NFYB: variants seen among roughly 807,000 people sequenced by gnomAD.
NFYB encodes the protein CAAT box DNA-binding protein subunit B.
In NFYB, 13 loss-of-function variants were observed where a neutral mutation model predicts 28.0. The observed-to-expected ratio is 0.46, with a 90% CI of 0.30 to 0.74. The LOEUF (loss-of-function observed/expected upper bound fraction) is 0.74. Among genes scored for constraint, NFYB ranks in the 30% least tolerant of loss-of-function variants. The probability of loss-of-function intolerance (pLI) is 0.07; values close to 1 mark genes in which losing one functional copy is unlikely to be tolerated. For missense variants in NFYB, 142 were observed against 247.6 expected (o/e 0.57, Z 2.86); for synonymous variants, 74 against 75.0 (o/e 0.99, Z 0.07).
At chr12:104,131,635 AG>A (rs1201706966) in intron 2 of NFYB, 4 of 406,858 alleles carry the variant, frequency 9.8e-6, no homozygotes, top group Admixed American at 5.9e-5. Flanking sequence ...AAAACTTGCT[AG>A]ATGCATCCCA....
At chr12:104,135,314 C>A in intron 2 of NFYB, 134 bp downstream of exon 2, 1 of 661,096 alleles carries the variant, frequency 1.5e-6, no homozygotes, top group Non-Finnish European at 2.5e-6. Context: ...CAGGAATGAG[C>A]AGAGGTACTG....
chr12:104,128,224 T>G (rs1383719818), intron 3 of NFYB, among the ~76,000 whole-genome samples, 200 bp downstream of exon 3: 2 of 152,220 alleles, frequency 1.3e-5, no homozygotes, highest in Non-Finnish European at 2.9e-5. Flanking sequence ...GTAAAAGTCT[T>G]TTCAAGGACT....
rs181217269 is a variant in NFYB at position 104,126,698 on chromosome 12, T to C, written c.101-454A>G. On this transcript the variant is annotated intron_variant, in intron 3 of 7. Transcript: ENST00000240055. ...GCTTGGTACAGCACCTTCCACAGAG[T>C]AGGTACTCATAAATATTTATTATAC... Among the ~76,000 whole-genome samples the C allele has an allele frequency of 4.6e-5, 7 of 152,210 alleles. No individual in the cohort carries two copies. The East Asian group carries it at 9.7e-4, about 21-fold the overall frequency.
chr12:104,119,775 A>G lies in NFYB; in HGVS notation c.592-6T>C. 1 of 1,587,422 alleles carries G rather than the reference A, an allele frequency of 6.3e-7. No individual in the cohort carries two copies. Among genetic ancestry groups the G allele is most frequent in the Non-Finnish European group, 8.6e-7 (1 of 1,157,454 alleles). On this transcript the variant is annotated splice_polypyrimidine_tract_variant and splice_region_variant and intron_variant, in intron 7 of 7. Coordinates refer to ENST00000240055, the MANE Select transcript of NFYB (RefSeq NM_006166.4). ...ATTTGCTGAACACCAGAAATCTAAG[A>G]TTAGAAAATTTAAATTGAGCAGAAT...
chr12:104,121,383 G>T, intron 5 of NFYB, 62 bp from the exon 6 acceptor site: 1 of 1,390,230 alleles, frequency 7.2e-7, no homozygotes, highest in Non-Finnish European at 1.0e-6. Context: ...AAATGCAAAT[G>T]CTTACTTATT....
At chr12:104,121,364 T>C in intron 5 of NFYB, 43 bp from the exon 6 acceptor site, 1 of 1,531,558 alleles carries the variant, frequency 6.5e-7, no homozygotes, top group Non-Finnish European at 8.9e-7. Flanking sequence ...TCAAATGAAA[T>C]TGTCTTCCAA....
intron 2 of NFYB, among the ~76,000 whole-genome samples, chr12:104,135,138 TAA>T (rs1229652364): frequency 6.6e-6 from 1 of 152,206 alleles, no homozygotes; most frequent in Non-Finnish European, 1.5e-5. Context: ...CTACTGCACT[TAA>T]GAGTTAGCAT....
At chr12:104,134,781 T>A (rs2031045055) in intron 2 of NFYB, among the ~76,000 whole-genome samples, 1 of 152,214 alleles carries the variant, frequency 6.6e-6, no homozygotes. Flanking sequence ...TATTTAGGGA[T>A]CACTGAGTGC....
At chr12:104,125,935 T>C (rs1304110929) in intron 4 of NFYB, among the ~76,000 whole-genome samples, 179 bp downstream of exon 4, 1 of 150,640 alleles carries the variant, frequency 6.6e-6, no homozygotes, top group East Asian at 2.0e-4. Flanking sequence ...TTTAGGGACA[T>C]GACAGAATTG....
At chr12:104,131,919 T>A (rs1366330109) in intron 2 of NFYB, 2 of 365,234 alleles carry the variant, frequency 5.5e-6, no homozygotes, top group African/African-American at 4.3e-5. Flanking sequence ...ATCACCTAGT[T>A]TGAATTCCCT....
At chr12:104,137,990 C>G (rs1262156888) in intron 1 of NFYB, 151 bp downstream of exon 1, 1 of 145,632 alleles carries the variant, frequency 6.9e-6, no homozygotes, top group Admixed American at 6.8e-5. Context: ...GCGCGGGGCC[C>G]GGCCTCGGCC....
At chr12:104,128,840 G>A (rs1402340769) in intron 2 of NFYB, among the ~76,000 whole-genome samples, 2 of 151,710 alleles carry the variant, frequency 1.3e-5, no homozygotes, top group Non-Finnish European at 2.9e-5. Context: ...CAATTTTTTT[G>A]TATTTTTAGC....
chr12:104,128,366 T>C (rs939988328), intron 3 of NFYB, 58 bp downstream of exon 3: 9 of 1,230,854 alleles, frequency 7.3e-6, no homozygotes, highest in Non-Finnish European at 1.2e-6. Flanking sequence ...ATTAATGAAA[T>C]GTCCACTTTC....
At chr12:104,125,936 G>T (rs2030694593) in intron 4 of NFYB, among the ~76,000 whole-genome samples, 178 bp downstream of exon 4, 1 of 150,470 alleles carries the variant, frequency 6.6e-6, no homozygotes, top group Non-Finnish European at 1.5e-5. Context: ...TTAGGGACAT[G>T]ACAGAATTGA....
chr12:104,126,318 G>C, intron 3 of NFYB, 74 bp from the exon 4 acceptor site: 1 of 1,121,430 alleles, frequency 8.9e-7, no homozygotes, highest in Non-Finnish European at 1.2e-6. Context: ...CTACCAAAGT[G>C]ATCCAGAATA....
At chr12:104,130,754 T>C (rs2030892423) in intron 2 of NFYB, among the ~76,000 whole-genome samples, 1 of 152,204 alleles carries the variant, frequency 6.6e-6, no homozygotes, top group African/African-American at 2.4e-5. Context: ...AGAGTATCCT[T>C]TAATAGACAT....
rs144181234 is a variant in NFYB, at chr12:104,134,914, T to C, written c.6+534A>G. On this transcript the variant is annotated intron_variant, in intron 2 of 7. Transcript: ENST00000240055. ...GAGGGGACAAGTGCTTTCTCTTTCCTACATTATCCTTTGAGATCTACCCTG... is the reference window on the plus strand; with the variant it reads ...GAGGGGACAAGTGCTTTCTCTTTCCCACATTATCCTTTGAGATCTACCCTG... Among the ~76,000 whole-genome samples the C allele has an allele frequency of 7.4e-3, 1,130 of 152,234 alleles. 9 individuals carry two copies. The highest frequency in any genetic ancestry group is 0.01 in the Middle Eastern group (3 of 292).
At chr12:104,121,091 A>C in intron 6 of NFYB, 149 bp downstream of exon 6, 1 of 619,876 alleles carries the variant, frequency 1.6e-6, no homozygotes. Context: ...TCACTCACTG[A>C]CTTCAAATAA....
At chr12:104,136,652 T>C (rs1253299745) in intron 1 of NFYB, among the ~76,000 whole-genome samples, 2 of 152,106 alleles carry the variant, frequency 1.3e-5, no homozygotes, top group Admixed American at 6.5e-5. Context: ...TTGCTTGGAA[T>C]GGGAGAGGGG....
Sources: allele counts gnomAD v4.1 joint callset (sites outside exome capture counted in the v4.1 genomes callset), GRCh38; gene constraint gnomAD v4.1.1; transcripts MANE v1.5; gene names NCBI Gene and HGNC (gene_info 2026-07-23, HGNC 2026-07-21).